Variants in TYW5 observed in about 807,000 individuals in gnomAD.
TYW5 encodes tRNA wybutosine-synthesizing protein 5.
Under a neutral mutation model 44.4 loss-of-function variants are expected in TYW5, and 36 were observed. The ratio of observed to expected loss-of-function variants is 0.81; its 90% CI spans 0.62 to 1.07. The LOEUF (loss-of-function observed/expected upper bound fraction) is 1.07, where lower values mean the gene tolerates loss of function less well. Ranked by LOEUF, TYW5 falls within the 50% of genes least tolerant of loss-of-function variation. TYW5 has a pLI of 0.00. For missense variants in TYW5, 354 were observed against 365.7 expected, an observed-to-expected ratio of 0.97 and a Z score of 0.26; for synonymous variants, 121 against 128.1, an observed-to-expected ratio of 0.94 and a Z score of 0.37.
chr2:199,932,803 T>G lies in TYW5; in HGVS notation c.*264A>C. The G allele has an allele frequency of 2.4e-6, 1 of 421,700 alleles. No individual in the cohort carries two copies. Among genetic ancestry groups the G allele is most frequent in the South Asian group, 3.4e-5 (1 of 29,640 alleles). 26.1% of individuals were successfully genotyped at this position (421,700 alleles called of 1,614,324 possible). ...CAGCACATTCTGTCAATAGATTTCA[T>G]GTATTGTGAATCAATATATTTTCTT... is the stretch of plus-strand genomic sequence containing the variant. On this transcript the variant is annotated 3_prime_UTR_variant, in exon 8 of 8. Coordinates refer to ENST00000354611, the MANE Select transcript of TYW5 (RefSeq NM_001039693.3).
At chr2:199,943,969 C>A in intron 2 of TYW5, 135 bp from the exon 3 acceptor site, 1 of 575,478 alleles carries the variant, frequency 1.7e-6, no homozygotes, top group Non-Finnish European at 3.0e-6. Context: ...TTTATTATAA[C>A]CTATTATGTG....
At chr2:199,933,772 C>T (rs2077398611) in intron 7 of TYW5, among the ~76,000 whole-genome samples, 1 of 152,106 alleles carries the variant, frequency 6.6e-6, no homozygotes, top group African/African-American at 2.4e-5. Context: ...TAAAGACTTC[C>T]TGTTCAAGCT....
At chr2:199,950,394 G>C (rs1181395652) in intron 1 of TYW5, among the ~76,000 whole-genome samples, 1 of 152,058 alleles carries the variant, frequency 6.6e-6, no homozygotes, top group African/African-American at 2.4e-5. Flanking sequence ...ATTTGCTTTT[G>C]CCACTGTTAG....
At chr2:199,954,126 A>G (rs369273549) in intron 1 of TYW5, among the ~76,000 whole-genome samples, 1 of 150,246 alleles carries the variant, frequency 6.7e-6, no homozygotes, top group Non-Finnish European at 1.5e-5. Flanking sequence ...TTTTTAAGCT[A>G]GGGTCTCACC....
At chr2:199,934,018 A>C (rs1221108059) in intron 7 of TYW5, among the ~76,000 whole-genome samples, 1 of 152,114 alleles carries the variant, frequency 6.6e-6, no homozygotes, top group East Asian at 1.9e-4. Context: ...AAACATTTTC[A>C]GAATATAGGT....
In TYW5 at chr2:199,931,089, C is replaced by G. The variant is rs1238945489; in HGVS notation, c.*1978G>C. 1 of 152,074 alleles carries G rather than the reference C, an allele frequency of 6.6e-6. No homozygotes were observed. Among genetic ancestry groups the G allele is most frequent in the African/African-American group, 2.4e-5 (1 of 41,374 alleles). The allele number at this position is 152,074 out of a possible 1,614,324, so 9.4% of individuals were successfully genotyped here. A position where few individuals can be genotyped will look rare whatever the true frequency, so the allele number is the denominator to read the frequency against. On this transcript the variant is annotated 3_prime_UTR_variant, in exon 8 of 8. Transcript: ENST00000354611. Reference sequence around the variant, plus strand: ...TTAAAACATCCCAAAGGAAAGTTCTCTAACTTTTAAAATATTATAAATTAA... The same window carrying G: ...TTAAAACATCCCAAAGGAAAGTTCTGTAACTTTTAAAATATTATAAATTAA...
rs757722810 is a variant in TYW5 at position 199,948,519 on chromosome 2, C to T, written c.79-47G>A. The T allele has an allele frequency of 8.1e-6, 13 of 1,601,750 alleles. No homozygotes were observed. The East Asian group carries it at 2.2e-4, about 28-fold the overall frequency. On this transcript the variant is annotated intron_variant, in intron 1 of 7. Coordinates refer to ENST00000354611, the MANE Select transcript of TYW5 (RefSeq NM_001039693.3). ...CAACAAAATTCATGAAAACCAACAA[C>T]ACATCAAGAGCTGTATTTGGCAACA...
In TYW5 at chr2:199,949,739, C is replaced by T. The variant is rs763043758; in HGVS notation, c.79-1267G>A. Among the ~76,000 whole-genome samples, 12 of 152,142 alleles carry T rather than the reference C, an allele frequency of 7.9e-5. No homozygotes were observed. The East Asian group carries it at 1.9e-3, about 24-fold the overall frequency. ...TCAGCATGCCACATCAGGTAGCACA[C>T]GATGTTTTGCTATGATGAGTGCAAA... is the stretch of plus-strand genomic sequence containing the variant. On this transcript the variant is annotated intron_variant, in intron 1 of 7. Coordinates refer to ENST00000354611, the MANE Select transcript of TYW5 (RefSeq NM_001039693.3).
chr2:199,954,524 C>T (rs994563983), intron 1 of TYW5, among the ~76,000 whole-genome samples: 3 of 151,978 alleles, frequency 2.0e-5, no homozygotes, highest in African/African-American at 4.8e-5. Flanking sequence ...CTCCGCCTCC[C>T]GGGTTCAAGC....
intron 2 of TYW5, chr2:199,946,864 C>T (rs1303937062): frequency 6.6e-6 from 1 of 152,122 alleles, no homozygotes; most frequent in African/African-American, 2.4e-5. Flanking sequence ...GGAACTATTA[C>T]ATAATGTATG....
Position 199,947,517 on chromosome 2 carries a change from T to C in TYW5, c.233+801A>G, listed in dbSNP as rs367703407. On this transcript the variant is annotated intron_variant, in intron 2 of 7. Transcript: ENST00000354611. ...ATTAAAGGTATTTAAGACTATTTTA[T>C]CAAAAGGGAAAATTAAGTATGATTT... 39 of 152,284 alleles carry C rather than the reference T, an allele frequency of 2.6e-4. 1 individual carries two copies. The highest frequency in any genetic ancestry group is 9.1e-4 in the African/African-American group (38 of 41,562). The allele number at this position is 152,284 out of a possible 1,614,324, so 9.4% of individuals were successfully genotyped here.
intron 3 of TYW5, 141 bp from the exon 4 acceptor site, chr2:199,940,274 A>G: frequency 1.5e-6 from 1 of 684,988 alleles, no homozygotes. Context: ...ACGGAAAAAA[A>G]TAAAACACCT....
At chr2:199,948,737 T>G (rs571001111) in intron 1 of TYW5, among the ~76,000 whole-genome samples, 1 of 152,308 alleles carries the variant, frequency 6.6e-6, no homozygotes, top group East Asian at 1.9e-4. Context: ...TACTTTATAG[T>G]CAAATATTTT....
rs1204074369 is a variant in TYW5, at chr2:199,930,809, A to G, written c.*2258T>C. 1 of 152,184 alleles carries G rather than the reference A, an allele frequency of 6.6e-6. No homozygotes were observed. Among genetic ancestry groups the G allele is most frequent in the Admixed American group, 6.5e-5 (1 of 15,274 alleles). 9.4% of individuals were successfully genotyped at this position (152,184 alleles called of 1,614,324 possible). A position where few individuals can be genotyped will look rare whatever the true frequency, so the allele number is the denominator to read the frequency against. ...CTGGTCACAACGAATCCCGGTTTCT[A>G]TCACCCATAGCTATGTGAACCCAGA... On this transcript the variant is annotated 3_prime_UTR_variant, in exon 8 of 8. Transcript: ENST00000354611.
rs878973215 is a variant in TYW5 at position 199,932,366 on chromosome 2, T to A, written c.*701A>T. On this transcript the variant is annotated 3_prime_UTR_variant, in exon 8 of 8. Transcript: ENST00000354611. ...GTTTTTCCTATCAGAACCATGATTT[T>A]AAAAAAACTATCCTTTCTGTCCCCA... The A allele has an allele frequency of 3.3e-5, 5 of 152,314 alleles. No homozygotes were observed. The highest frequency in any genetic ancestry group is 2.1e-4 in the South Asian group (1 of 4,820). 9.4% of individuals were successfully genotyped at this position (152,314 alleles called of 1,614,324 possible). A position where few individuals can be genotyped will look rare whatever the true frequency, so the allele number is the denominator to read the frequency against.
At position 199,929,205 on chromosome 2, in the gene TYW5, A is replaced by T. The variant is rs901605245; in HGVS notation, c.*3862T>A. On this transcript the variant is annotated 3_prime_UTR_variant, in exon 8 of 8. Coordinates refer to ENST00000354611, the MANE Select transcript of TYW5 (RefSeq NM_001039693.3). ...TACATCGTGGGGTTGGGGGAGGGGG[A>T]AGGGATAGCATTAGGAGATATACCT... Among the ~76,000 whole-genome samples the T allele has an allele frequency of 5.3e-5, 2 of 37,872 alleles. No homozygotes were observed. The highest frequency in any genetic ancestry group is 1.4e-4 in the Non-Finnish European group (2 of 14,218). The allele number at this position is 37,872 out of a possible 152,430, so 24.8% of individuals were successfully genotyped here. A position where few individuals can be genotyped will look rare whatever the true frequency, so the allele number is the denominator to read the frequency against.
At chr2:199,945,899 C>T (rs2077500502) in intron 2 of TYW5, 1 of 152,150 alleles carries the variant, frequency 6.6e-6, no homozygotes, top group African/African-American at 2.4e-5. Flanking sequence ...TTGGGAAGTT[C>T]TTTGGCTTTT....
At chr2:199,935,719 A>AAC (rs142361195) in intron 7 of TYW5, among the ~76,000 whole-genome samples, 2,007 of 138,152 alleles carry the variant, frequency 0.015, 22 homozygotes, top group African/African-American at 0.034. Context: ...GCCTGCTTTA[A>AAC]ACACACACAC....
chr2:199,938,967 C>G lies in TYW5; in HGVS notation c.452G>C (p.Ser151Thr), dbSNP rs751274986. 1 of 1,613,148 alleles carries G rather than the reference C, an allele frequency of 6.2e-7. No individual in the cohort carries two copies. Among genetic ancestry groups the G allele is most frequent in the Non-Finnish European group, 8.5e-7 (1 of 1,179,694 alleles). ...EQFFSSVFRI[S>T]SPGLQLWTHY... is the part of the protein sequence containing the mutation. ...AGTCCATAGTTGTAATCCTGGTGAA[C>G]TAATTCGAAAAACACTGGAAAAGAA... Residue 151 changes from serine (S) to threonine (T), a missense_variant, in exon 5 of 8, where the codon AGT (serine) becomes ACT (threonine). Physicochemically the swap from Ser to Thr is moderately conservative, Grantham distance 58. Coordinates refer to ENST00000354611, the MANE Select transcript of TYW5 (RefSeq NM_001039693.3).
Sources: allele counts gnomAD v4.1 joint callset (sites outside exome capture counted in the v4.1 genomes callset), GRCh38; gene constraint gnomAD v4.1.1; transcripts MANE v1.5; gene names NCBI Gene and HGNC (gene_info 2026-07-23, HGNC 2026-07-21).